Variants in RNF216 observed in about 807,000 individuals in gnomAD.
The protein encoded by RNF216 is E3 ubiquitin-protein ligase RNF216.
RNF216 carries 72 observed loss-of-function variants against 110.8 expected under a neutral mutation model. The ratio of observed to expected loss-of-function variants is 0.65; its 90% CI spans 0.54 to 0.79. The LOEUF (loss-of-function observed/expected upper bound fraction) is 0.79. Among genes scored for constraint, RNF216 ranks in the 30% least tolerant of loss-of-function variants. RNF216 has a pLI of 0.00. For synonymous variants in RNF216, 495 were observed against 407.5 expected (o/e 1.21, Z -2.59); for missense variants, 1,342 against 1,141.2 (o/e 1.18, Z -2.54).
chr7:5,689,500 T>TA (rs538275874), intron 13 of RNF216, among the ~76,000 whole-genome samples: 49 of 150,348 alleles, frequency 3.3e-4, no homozygotes, highest in South Asian at 6.3e-4. Context: ...GGCCATTTTC[T>TA]AAAAAAAAAC....
intron 13 of RNF216, among the ~76,000 whole-genome samples, chr7:5,684,094 C>CTTTT (rs10608511): frequency 0.021 from 1,286 of 61,872 alleles, 106 homozygotes; most frequent in Admixed American, 0.032. Flanking sequence ...GCTGGGCCTT[C>CTTTT]TTTTTTTTTT....
chr7:5,740,675 T>C (rs994824367), intron 4 of RNF216, among the ~76,000 whole-genome samples: 8 of 152,124 alleles, frequency 5.3e-5, no homozygotes, highest in South Asian at 2.1e-4. Context: ...GGGTTTCCAT[T>C]TGGAGTGAAC....
chr7:5,655,423 C>T (rs886834898), intron 13 of RNF216, among the ~76,000 whole-genome samples: 6 of 152,162 alleles, frequency 3.9e-5, no homozygotes, highest in East Asian at 1.9e-4. Flanking sequence ...CACGGAGAAA[C>T]CCCATCTCTA....
At position 5,623,095 on chromosome 7, in the gene RNF216, G is replaced by A. The variant is rs774053707; in HGVS notation, c.2537C>T (p.Pro846Leu). The A allele has an allele frequency of 1.3e-5, 21 of 1,610,756 alleles. No individual in the cohort carries two copies. Among genetic ancestry groups the A allele is most frequent in the East Asian group, 6.7e-5 (3 of 44,758 alleles). The change falls in exon 17 of 17, where the codon CCG (proline) becomes CTG (leucine). Residue 846 changes from proline to leucine, a missense_variant. Coordinates refer to ENST00000389902, the MANE Select transcript of RNF216 (RefSeq NM_207111.4). The stretch of plus-strand genomic sequence containing the variant: ...CATCTGTGGCTGTGGCAGGTTCTGC[G>A]GAACGGGCCTCGGGAGGGCCTCCAC... ...QRVEALPRPV[P>L]QNLPQPQMPP...
intron 13 of RNF216, among the ~76,000 whole-genome samples, chr7:5,698,408 C>CACACACAT (rs952479442): frequency 8.1e-5 from 12 of 147,652 alleles, no homozygotes; most frequent in Non-Finnish European, 1.6e-4. Flanking sequence ...CACACACACA[C>CACACACAT]ACACACATAC....
intron 2 of RNF216, among the ~76,000 whole-genome samples, chr7:5,759,629 TC>T (rs1795825960): frequency 1.3e-4 from 1 of 7,460 alleles, no homozygotes; most frequent in Non-Finnish European, 3.2e-4. Context: ...GAGTCATTTT[TC>T]TTCTTTTTTT....
intron 13 of RNF216, among the ~76,000 whole-genome samples, chr7:5,685,553 A>G (rs762470825): frequency 3.9e-5 from 6 of 152,224 alleles, no homozygotes; most frequent in Non-Finnish European, 8.8e-5. Context: ...GGCAAATTCT[A>G]TTACTTTTTC....
intron 11 of RNF216, among the ~76,000 whole-genome samples, chr7:5,714,089 G>A (rs909756100): frequency 2.6e-5 from 4 of 152,084 alleles, no homozygotes; most frequent in Admixed American, 6.6e-5. Context: ...TAAGCCTCCC[G>A]AGTAGCTGGA....
intron 3 of RNF216, among the ~76,000 whole-genome samples, chr7:5,742,991 G>T (rs1283846396): frequency 6.6e-6 from 1 of 152,130 alleles, no homozygotes. Context: ...GGCCAGGCGT[G>T]GTGGCTCATG....
chr7:5,640,045 C>T (rs1787640316), intron 15 of RNF216, among the ~76,000 whole-genome samples: 1 of 151,818 alleles, frequency 6.6e-6, no homozygotes, highest in South Asian at 2.1e-4. Context: ...AGGCGTGAGC[C>T]ACCGCGCCCG....
At chr7:5,649,786 T>C (rs1171583177) in intron 14 of RNF216, 2 of 152,214 alleles carry the variant, frequency 1.3e-5, no homozygotes, top group African/African-American at 4.8e-5. Flanking sequence ...ACTTTAAGCC[T>C]CAACAGATGC....
At chr7:5,704,596 A>G (rs1436620156) in intron 13 of RNF216, among the ~76,000 whole-genome samples, 1 of 152,236 alleles carries the variant, frequency 6.6e-6, no homozygotes, top group East Asian at 1.9e-4. Context: ...TTGCTGACAC[A>G]TACTTTTCAA....
At chr7:5,668,440 G>T (rs1373631675) in intron 13 of RNF216, among the ~76,000 whole-genome samples, 1 of 151,938 alleles carries the variant, frequency 6.6e-6, no homozygotes, top group South Asian at 2.1e-4. Flanking sequence ...AGCCAGGATG[G>T]TCTTGATTTC....
rs1376702143 is a variant in RNF216, at chr7:5,640,655, G to A, written c.2382+499C>T. Among the ~76,000 whole-genome samples, 6 of 152,286 alleles carry A rather than the reference G, an allele frequency of 3.9e-5. No individual in the cohort carries two copies. In the East Asian group the frequency reaches 1.2e-3, roughly 29 times the overall value. ...TCACCATCTACAGATACCATATAAT[G>A]ATTTACGTTAATAGAATTGTTAATA... On this transcript the variant is annotated intron_variant, in intron 15 of 16. Transcript: ENST00000389902.
intron 1 of RNF216, among the ~76,000 whole-genome samples, chr7:5,766,104 C>A (rs896562661): frequency 6.6e-6 from 1 of 151,952 alleles, no homozygotes; most frequent in Non-Finnish European, 1.5e-5. Flanking sequence ...GGCAATATAG[C>A]TAGACCCTGT....
At chr7:5,667,135 C>A (rs1308759626) in intron 13 of RNF216, among the ~76,000 whole-genome samples, 1 of 152,110 alleles carries the variant, frequency 6.6e-6, no homozygotes, top group East Asian at 1.9e-4. Flanking sequence ...TAAACTGTGG[C>A]CCTATGGTGG....
intron 1 of RNF216, among the ~76,000 whole-genome samples, chr7:5,770,873 T>C (rs1043732554): frequency 2.0e-5 from 3 of 151,310 alleles, no homozygotes; most frequent in Non-Finnish European, 4.4e-5. Flanking sequence ...AGTGGTGTGA[T>C]CTCGGCTCAC....
chr7:5,620,524 G>C lies in RNF216; in HGVS notation c.*2336C>G, dbSNP rs1435566507. On this transcript the variant is annotated 3_prime_UTR_variant, in exon 17 of 17. Transcript: ENST00000389902. ...CTGGACAGAGGGGCCTGGAGAACCA[G>C]GGTGGGTGCTCACGGCAGCCCTGTG... The C allele has an allele frequency of 1.3e-5, 2 of 152,274 alleles. No individual in the cohort carries two copies. The highest frequency in any genetic ancestry group is 2.9e-5 in the Non-Finnish European group (2 of 68,070). The allele number at this position is 152,274 out of a possible 1,614,324, so 9.4% of individuals were successfully genotyped here.
intron 9 of RNF216, among the ~76,000 whole-genome samples, chr7:5,719,559 T>C (rs1406956468): frequency 6.6e-6 from 1 of 152,156 alleles, no homozygotes; most frequent in Non-Finnish European, 1.5e-5. Flanking sequence ...GATGGGACAA[T>C]GTGAATATCA....
Sources: gnomAD v4.1 joint callset for allele counts (sites outside exome capture counted in the v4.1 genomes callset) on GRCh38, gnomAD v4.1.1 for gene constraint, MANE v1.5 for transcripts, NCBI Gene and HGNC (gene_info 2026-07-23, HGNC 2026-07-21) for gene names.